RORA: variants seen among roughly 807,000 people sequenced by gnomAD.
RORA encodes the protein nuclear receptor ROR-alpha.
Under a neutral mutation model 69.5 loss-of-function variants are expected in RORA, and 7 were observed. The ratio of observed to expected loss-of-function variants is 0.10; its 90% CI spans 0.06 to 0.19. The LOEUF is 0.19. RORA is among the 10% of genes least tolerant of loss of function. The probability of loss-of-function intolerance (pLI) is 1.00; values close to 1 mark genes in which losing one functional copy is unlikely to be tolerated. For synonymous variants in RORA, 261 were observed against 240.8 expected (o/e 1.08, Z -0.78); for missense variants, 457 against 663.0 (o/e 0.69, Z 3.41).
chr15:61,047,983 G>A (rs992166673), intron 1 of RORA, among the ~76,000 whole-genome samples: 1 of 152,158 alleles, frequency 6.6e-6, no homozygotes, highest in African/African-American at 2.4e-5. Context: ...AGAATGCAGA[G>A]GTGACTCACG....
intron 1 of RORA, among the ~76,000 whole-genome samples, chr15:60,835,828 T>G (rs902985238): frequency 2.0e-5 from 3 of 152,374 alleles, no homozygotes; most frequent in African/African-American, 2.4e-5. Context: ...GTCATTTGAT[T>G]CAACTCTAAA....
intron 1 of RORA, among the ~76,000 whole-genome samples, chr15:61,151,159 T>C (rs1202053736): frequency 2.0e-5 from 3 of 152,342 alleles, no homozygotes; most frequent in South Asian, 4.1e-4. Context: ...TACCAATTGA[T>C]AGTACATGAG....
At chr15:60,989,577 T>C (rs914015890) in intron 1 of RORA, among the ~76,000 whole-genome samples, 1 of 152,150 alleles carries the variant, frequency 6.6e-6, no homozygotes, top group East Asian at 1.9e-4. Context: ...TACTCAAGAG[T>C]GGAATTGCTG....
At chr15:61,212,615 C>T (rs974150098) in intron 1 of RORA, among the ~76,000 whole-genome samples, 12 of 152,176 alleles carry the variant, frequency 7.9e-5, no homozygotes, top group African/African-American at 2.9e-4. Context: ...TGGTCTTGAA[C>T]TCCTGACCTC....
At chr15:60,727,427 C>T (rs898566983) in intron 1 of RORA, among the ~76,000 whole-genome samples, 24 of 152,158 alleles carry the variant, frequency 1.6e-4, no homozygotes, top group African/African-American at 5.3e-4. Context: ...CGTTTCCAGA[C>T]AAAAGCAAGG....
At chr15:61,184,285 C>T (rs915148222) in intron 1 of RORA, among the ~76,000 whole-genome samples, 3 of 152,208 alleles carry the variant, frequency 2.0e-5, no homozygotes, top group Admixed American at 6.5e-5. Flanking sequence ...TTTCCCTGTG[C>T]TCTTTGCCTA....
chr15:60,899,823 T>A (rs144789110), intron 1 of RORA, among the ~76,000 whole-genome samples: 69 of 152,342 alleles, frequency 4.5e-4, no homozygotes, highest in African/African-American at 1.7e-3. Flanking sequence ...ATATCCATTA[T>A]ACAAATGTCA....
chr15:61,014,873 C>T (rs1895225857), intron 1 of RORA, among the ~76,000 whole-genome samples: 1 of 152,164 alleles, frequency 6.6e-6, no homozygotes, highest in Admixed American at 6.5e-5. Flanking sequence ...CTGGCAAGCT[C>T]TCCCTGATTT....
chr15:61,156,797 T>G (rs1008818894), intron 1 of RORA, among the ~76,000 whole-genome samples: 3 of 152,202 alleles, frequency 2.0e-5, no homozygotes, highest in African/African-American at 7.2e-5. Context: ...AAAGTCACAC[T>G]TTTATAACTT....
intron 1 of RORA, among the ~76,000 whole-genome samples, chr15:60,871,943 TGGG>T (rs1435184424): frequency 1.3e-5 from 2 of 152,242 alleles, no homozygotes; most frequent in East Asian, 3.8e-4. Context: ...TGGGAGACAC[TGGG>T]TAAAAGGTAT....
chr15:61,196,923 A>C (rs1458745344), intron 1 of RORA, among the ~76,000 whole-genome samples: 1 of 152,226 alleles, frequency 6.6e-6, no homozygotes, highest in Non-Finnish European at 1.5e-5. Context: ...TATGTAACTA[A>C]ACCCTGCATA....
At chr15:60,660,459 A>G (rs1053570203) in intron 2 of RORA, among the ~76,000 whole-genome samples, 2 of 152,198 alleles carry the variant, frequency 1.3e-5, no homozygotes, top group Non-Finnish European at 2.9e-5. Context: ...CCCATATAAA[A>G]GCTGGATTTC....
chr15:60,776,154 C>T (rs1306235547), intron 1 of RORA, among the ~76,000 whole-genome samples: 1 of 152,140 alleles, frequency 6.6e-6, no homozygotes, highest in Non-Finnish European at 1.5e-5. Context: ...TGATGACCAA[C>T]CAGCTTGAGA....
chr15:61,052,667 C>CT (rs2078030879), intron 1 of RORA, among the ~76,000 whole-genome samples: 1 of 152,202 alleles, frequency 6.6e-6, no homozygotes, highest in Admixed American at 6.5e-5. Flanking sequence ...CATTTTGAGA[C>CT]TGAGTAGTTG....
At chr15:61,217,482 T>C (rs1460053210) in intron 1 of RORA, among the ~76,000 whole-genome samples, 1 of 151,892 alleles carries the variant, frequency 6.6e-6, no homozygotes, top group African/African-American at 2.4e-5. Context: ...AGGGGAAAGG[T>C]GAAGGCACAT....
At chr15:61,167,235 A>AT (rs987084921) in intron 1 of RORA, among the ~76,000 whole-genome samples, 36 of 151,654 alleles carry the variant, frequency 2.4e-4, no homozygotes, top group Admixed American at 2.0e-4. Context: ...ACTTTAAAAG[A>AT]TTTTTTTTTC....
In RORA at chr15:60,961,831, T is replaced by C. The variant is rs149829229; in HGVS notation, c.166+267222A>G. On this transcript the variant is annotated intron_variant, in intron 1 of 10. Coordinates refer to ENST00000335670, the MANE Select transcript of RORA (RefSeq NM_134261.3). ...ATAGCTGAATGTAGGCACAAAGCCC[T>C]CATCAGGTTTATGGTTCCTGGGGTC... is the stretch of plus-strand genomic sequence containing the variant. Among the ~76,000 whole-genome samples, 852 of 152,316 alleles carry C rather than the reference T, an allele frequency of 5.6e-3. 8 individuals are homozygous for C. The highest frequency in any genetic ancestry group is 0.019 in the African/African-American group (810 of 41,562).
At chr15:60,582,482 C>G (rs991254999) in intron 2 of RORA, among the ~76,000 whole-genome samples, 7 of 152,182 alleles carry the variant, frequency 4.6e-5, no homozygotes, top group African/African-American at 1.4e-4. Context: ...GAGGTTTAAC[C>G]TGACAATTAT....
At chr15:61,057,057 T>G (rs2078106597) in intron 1 of RORA, among the ~76,000 whole-genome samples, 2 of 152,198 alleles carry the variant, frequency 1.3e-5, no homozygotes, top group East Asian at 1.9e-4. Context: ...GATGTGACAT[T>G]TTTGGTAGGT....
Sources: gnomAD v4.1 joint callset for allele counts (sites outside exome capture counted in the v4.1 genomes callset) on GRCh38, gnomAD v4.1.1 for gene constraint, MANE v1.5 for transcripts, NCBI Gene and HGNC (gene_info 2026-07-23, HGNC 2026-07-21) for gene names.